Variants in SRBD1 observed in about 807,000 individuals in gnomAD.
The protein encoded by SRBD1 is S1 RNA binding domain 1.
SRBD1 carries 88 observed loss-of-function variants against 115.3 expected under a neutral mutation model. The ratio of observed to expected loss-of-function variants is 0.76; its 90% CI spans 0.64 to 0.91. The LOEUF (loss-of-function observed/expected upper bound fraction) is 0.91, where lower values mean the gene tolerates loss of function less well. Among genes scored for constraint, SRBD1 ranks in the 40% least tolerant of loss-of-function variants. The probability of loss-of-function intolerance (pLI) is 0.00; values close to 1 mark genes in which losing one functional copy is unlikely to be tolerated. For missense variants in SRBD1, 1,385 were observed against 1,177.4 expected (o/e 1.18, Z -2.58); for synonymous variants, 509 against 407.7 (o/e 1.25, Z -2.99).
chr2:45,531,060 T>C (rs1671597501), intron 14 of SRBD1, among the ~76,000 whole-genome samples: 2 of 151,894 alleles, frequency 1.3e-5, no homozygotes, highest in Non-Finnish European at 2.9e-5. Context: ...AGGCTATCTC[T>C]CTTCATAAAA....
intron 16 of SRBD1, among the ~76,000 whole-genome samples, chr2:45,440,230 A>G (rs1363948127): frequency 6.6e-6 from 1 of 152,074 alleles, no homozygotes; most frequent in Non-Finnish European, 1.5e-5. Flanking sequence ...ATGAATCATG[A>G]AACTAAAAAA....
In SRBD1 at chr2:45,494,897, G is replaced by A. The variant is rs577363408; in HGVS notation, c.1875-6566C>T. Among the ~76,000 whole-genome samples, 86 of 152,324 alleles carry A rather than the reference G, an allele frequency of 5.6e-4. No homozygotes were observed. In the South Asian group the frequency reaches 7.2e-3, roughly 13 times the overall value. On this transcript the variant is annotated intron_variant, in intron 14 of 20. Transcript: ENST00000263736. Reference sequence around the variant, plus strand: ...GCACCATCTGGTGGAGGACAAGTTAGAAGCAATTCTTCAATTACCAGCGTT... The same window carrying A: ...GCACCATCTGGTGGAGGACAAGTTAAAAGCAATTCTTCAATTACCAGCGTT...
chr2:45,561,342 A>AT (rs1672659009), intron 10 of SRBD1, among the ~76,000 whole-genome samples: 1 of 152,212 alleles, frequency 6.6e-6, no homozygotes, highest in African/African-American at 2.4e-5. Flanking sequence ...TTACCTATTG[A>AT]TTAACATTTA....
chr2:45,559,371 C>T (rs550978131), intron 10 of SRBD1, among the ~76,000 whole-genome samples: 1 of 152,338 alleles, frequency 6.6e-6, no homozygotes, highest in Admixed American at 6.5e-5. Flanking sequence ...CACTTCTCTT[C>T]CTTCTCCTTC....
At chr2:45,605,676 G>A (rs1674245629) in intron 1 of SRBD1, among the ~76,000 whole-genome samples, 1 of 152,156 alleles carries the variant, frequency 6.6e-6, no homozygotes, top group Non-Finnish European at 1.5e-5. Flanking sequence ...GGCCAAGGAG[G>A]GCGGATCACC....
rs1426644894 is a variant in SRBD1, at chr2:45,493,136, CT to C, written c.1875-4806del. On this transcript the variant is annotated intron_variant, in intron 14 of 20. Transcript: ENST00000263736. ...CCACTATGCCAAATGCCTAGCTCAT[CT>C]CAAAGTTTTAAAAATAATTTATCTA... Among the ~76,000 whole-genome samples the C allele has an allele frequency of 3.9e-5, 6 of 152,318 alleles. No individual in the cohort carries two copies. In the East Asian group the frequency reaches 1.2e-3, roughly 29 times the overall value.
chr2:45,527,724 G>C (rs1401955529), intron 14 of SRBD1, among the ~76,000 whole-genome samples: 1 of 151,884 alleles, frequency 6.6e-6, no homozygotes, highest in Non-Finnish European at 1.5e-5. Flanking sequence ...GAGATGAAGA[G>C]ACACAGGGAG....
At chr2:45,441,775 T>G (rs535226922) in intron 16 of SRBD1, among the ~76,000 whole-genome samples, 1 of 152,166 alleles carries the variant, frequency 6.6e-6, no homozygotes, top group South Asian at 2.1e-4. Flanking sequence ...CAGCACAATC[T>G]CAATTCCTAT....
intron 16 of SRBD1, among the ~76,000 whole-genome samples, chr2:45,456,397 T>C (rs1669153577): frequency 1.3e-5 from 2 of 151,942 alleles, no homozygotes; most frequent in East Asian, 3.8e-4. Context: ...TTAACCCTTT[T>C]GTTTTCTTGA....
intron 19 of SRBD1, among the ~76,000 whole-genome samples, chr2:45,393,674 C>T (rs956400522): frequency 2.0e-5 from 3 of 152,192 alleles, no homozygotes; most frequent in African/African-American, 7.2e-5. Context: ...GCCACTGCGT[C>T]CAGCCAAAAA....
At chr2:45,434,159 G>A (rs1668420184) in intron 16 of SRBD1, among the ~76,000 whole-genome samples, 1 of 152,204 alleles carries the variant, frequency 6.6e-6, no homozygotes, top group Admixed American at 6.5e-5. Flanking sequence ...CAATTATCAA[G>A]CCAACTTGAC....
chr2:45,483,876 C>T lies in SRBD1; in HGVS notation c.1966+4364G>A, dbSNP rs575557380. On this transcript the variant is annotated intron_variant, in intron 15 of 20. Transcript: ENST00000263736. Reference sequence around the variant, plus strand: ...TCTAAGTAATAATTACATTTTTGAACAAGAAGCTGAGAAAGATGTTGAACT... The same window carrying T: ...TCTAAGTAATAATTACATTTTTGAATAAGAAGCTGAGAAAGATGTTGAACT... Among the ~76,000 whole-genome samples the T allele has an allele frequency of 4.6e-5, 7 of 152,012 alleles. No individual in the cohort carries two copies. The South Asian group carries it at 1.5e-3, about 31-fold the overall frequency.
chr2:45,489,882 C>T (rs978146243), intron 14 of SRBD1, among the ~76,000 whole-genome samples: 3 of 152,068 alleles, frequency 2.0e-5, no homozygotes, highest in Admixed American at 1.3e-4. Context: ...AAACAACCAA[C>T]GCAACATATT....
At chr2:45,559,296 C>G (rs2104091031) in intron 10 of SRBD1, among the ~76,000 whole-genome samples, 1 of 152,246 alleles carries the variant, frequency 6.6e-6, no homozygotes, top group South Asian at 2.1e-4. Context: ...AGAAAAAAAT[C>G]TTTAGCATAC....
Position 45,509,598 on chromosome 2 carries a change from A to AACACACACACAC in SRBD1, c.1875-21279_1875-21268dup, listed in dbSNP as rs1179307941. ...AGGACACAGCAAGACTCCGTCTCAA[A>AACACACACACAC]ACACACACACACACACACACACACA... is the stretch of plus-strand genomic sequence containing the variant. On this transcript the variant is annotated intron_variant, in intron 14 of 20. Coordinates refer to ENST00000263736, the MANE Select transcript of SRBD1 (RefSeq NM_018079.5). Among the ~76,000 whole-genome samples the AACACACACACAC allele has an allele frequency of 3.0e-3, 377 of 125,510 alleles. 3 individuals are homozygous for AACACACACACAC. Among genetic ancestry groups the AACACACACACAC allele is most frequent in the East Asian group, 0.012 (47 of 4,062 alleles). 82.3% of individuals were successfully genotyped at this position (125,510 alleles called of 152,430 possible).
rs538337522 is a variant in SRBD1, at chr2:45,462,906, A to G, written c.2049+14087T>C. ...TAGATTTTTTAAGGTTAGTTGTTCA[A>G]AACGACAACACATGCATTTCTGTGG... On this transcript the variant is annotated intron_variant, in intron 16 of 20. Transcript: ENST00000263736. Among the ~76,000 whole-genome samples, 4 of 149,844 alleles carry G rather than the reference A, an allele frequency of 2.7e-5. No homozygotes were observed. In the South Asian group the frequency reaches 8.4e-4, roughly 31 times the overall value.
chr2:45,587,082 T>TA (rs1277792116), intron 4 of SRBD1, among the ~76,000 whole-genome samples: 2 of 132,686 alleles, frequency 1.5e-5, no homozygotes, highest in African/African-American at 6.4e-5. Flanking sequence ...TTAAAATATT[T>TA]AAAATTTTTT....
chr2:45,512,926 T>C (rs1454398978), intron 14 of SRBD1, among the ~76,000 whole-genome samples: 2 of 152,070 alleles, frequency 1.3e-5, no homozygotes, highest in African/African-American at 2.4e-5. Context: ...CTAAGGGAAG[T>C]AGAAAGAGAC....
At chr2:45,519,283 G>A (rs1235258053) in intron 14 of SRBD1, among the ~76,000 whole-genome samples, 1 of 152,050 alleles carries the variant, frequency 6.6e-6, no homozygotes, top group African/African-American at 2.4e-5. Flanking sequence ...CTGTACTCAG[G>A]GGTCCTAAAC....
Sources: allele counts gnomAD v4.1 joint callset (sites outside exome capture counted in the v4.1 genomes callset), GRCh38; gene constraint gnomAD v4.1.1; transcripts MANE v1.5; gene names NCBI Gene and HGNC (gene_info 2026-07-23, HGNC 2026-07-21).